MZT2B: variants seen among roughly 807,000 people sequenced by gnomAD.
The protein encoded by MZT2B is mitotic spindle organizing protein 2B.
MZT2B carries 11 observed loss-of-function variants against 12.1 expected under a neutral mutation model. The ratio of observed to expected loss-of-function variants is 0.91; its 90% CI spans 0.57 to 1.50. The LOEUF is 1.50. Among genes scored for constraint, MZT2B ranks in the 40% most tolerant of loss-of-function variants. The probability of loss-of-function intolerance (pLI) is 0.00; values close to 1 mark genes in which losing one functional copy is unlikely to be tolerated. For missense variants in MZT2B, 209 were observed against 227.7 expected (o/e 0.92, Z 0.53); for synonymous variants, 85 against 109.5 (o/e 0.78, Z 1.40).
chr2:130,193,840 G>T (rs777712758), downstream of MZT2B: 6 of 1,613,972 alleles, frequency 3.7e-6, no homozygotes, highest in South Asian at 6.6e-5. Flanking sequence ...TGGTCTTGAT[G>T]GTGGCGATGG....
intron 2 of MZT2B, among the ~76,000 whole-genome samples, chr2:130,186,791 A>G (rs1267136163): frequency 6.6e-6 from 1 of 152,118 alleles, no homozygotes; most frequent in Non-Finnish European, 1.5e-5. Flanking sequence ...CTGTAGTTCC[A>G]GCTACTTGGG....
rs1056704083 is a variant in MZT2B at position 130,183,510 on chromosome 2, C to G, written c.319+735C>G. ...GAGCCTCTGTCCCTGCTCATCCTCTCCGCATGTTGCTTCTGCTCCCGATGG... is the reference window on the plus strand; with the variant it reads ...GAGCCTCTGTCCCTGCTCATCCTCTGCGCATGTTGCTTCTGCTCCCGATGG... On this transcript the variant is annotated intron_variant, in intron 2 of 2. Transcript: ENST00000281871. 34 of 569,722 alleles carry G rather than the reference C, an allele frequency of 6.0e-5. No individual in the cohort carries two copies. The African/African-American group carries it at 6.2e-4, about 10-fold the overall frequency. The allele number at this position is 569,722 out of a possible 1,614,324, so 35.3% of individuals were successfully genotyped here.
chr2:130,182,494 C>G (rs1287298461), intron 1 of MZT2B, 42 bp downstream of exon 1: 18 of 1,540,898 alleles, frequency 1.2e-5, no homozygotes, highest in African/African-American at 4.1e-5. Context: ...CCAGACACCC[C>G]CCGACCTCTG....
In MZT2B at chr2:130,182,277, G is replaced by C. The variant is rs1460220333; in HGVS notation, c.-6G>C. On this transcript the variant is annotated 5_prime_UTR_variant, in exon 1 of 3. Coordinates refer to ENST00000281871, the MANE Select transcript of MZT2B (RefSeq NM_025029.5). ...GGCGGAGCGCACCTTTCCGCGGGCC[G>C]CGGGGATGGCGGCGCAGGGCGTAGG... 20 of 1,313,394 alleles carry C rather than the reference G, an allele frequency of 1.5e-5. No individual in the cohort carries two copies. Among genetic ancestry groups the C allele is most frequent in the Non-Finnish European group, 1.9e-5 (20 of 1,040,724 alleles). The allele number at this position is 1,313,394 out of a possible 1,614,324, so 81.4% of individuals were successfully genotyped here. A position where few individuals can be genotyped will look rare whatever the true frequency, so the allele number is the denominator to read the frequency against.
the MZT2B span, among the ~76,000 whole-genome samples, chr2:130,204,691 C>CA: frequency 0.011 from 1,096 of 96,434 alleles, 13 homozygotes; most frequent in African/African-American, 0.037. Context: ...AACTCTGTCT[C>CA]AAAAAAAAAA....
intron 2 of MZT2B, chr2:130,184,638 G>A: frequency 1.0e-6 from 1 of 985,368 alleles, no homozygotes; most frequent in Non-Finnish European, 1.2e-6. Flanking sequence ...GAGAGGGGCT[G>A]AGGGACAGGC....
At chr2:130,189,246 G>A (rs567062086) in intron 2 of MZT2B, among the ~76,000 whole-genome samples, 102 of 152,258 alleles carry the variant, frequency 6.7e-4, no homozygotes, top group African/African-American at 2.4e-3. Flanking sequence ...GGTGGGGTGT[G>A]GAGTTTCTAT....
At chr2:130,184,058 T>C in intron 2 of MZT2B, 1 of 1,550,068 alleles carries the variant, frequency 6.5e-7, no homozygotes, top group Non-Finnish European at 8.7e-7. Context: ...AGCTTTGAGC[T>C]CCAAGGGCAG....
At chr2:130,184,301 G>A (rs575497481) in intron 2 of MZT2B, 2 of 985,444 alleles carry the variant, frequency 2.0e-6, no homozygotes, top group Admixed American at 1.2e-4. Context: ...ACAGCCCCAG[G>A]CGTGACAAAC....
At chr2:130,181,708 G>T (rs1558771969), upstream of MZT2B, 1 of 1,548,460 alleles carries the variant, frequency 6.5e-7, no homozygotes, top group Non-Finnish European at 8.7e-7. Context: ...CCGGCCGGGC[G>T]GGGAAGAGAA....
the MZT2B span, among the ~76,000 whole-genome samples, chr2:130,201,700 T>C: frequency 6.6e-6 from 1 of 152,170 alleles, no homozygotes; most frequent in East Asian, 1.9e-4. Context: ...CAGCCACGCA[T>C]CCTTCAGCGG....
At chr2:130,184,772 T>G in intron 2 of MZT2B, 15 of 985,392 alleles carry the variant, frequency 1.5e-5, no homozygotes, top group Non-Finnish European at 1.8e-5. Context: ...CACTCAGCAC[T>G]CACTCAGGGC....
chr2:130,182,568 C>A lies in MZT2B; in HGVS notation c.171-59C>A, dbSNP rs1275105760. ...CCCGCCCCCGTCCTTGTCGGGTCTTCAGGGAGGTGGCCGCGCCGGGCGGAG... is the reference window on the plus strand; with the variant it reads ...CCCGCCCCCGTCCTTGTCGGGTCTTAAGGGAGGTGGCCGCGCCGGGCGGAG... On this transcript the variant is annotated intron_variant, in intron 1 of 2. Transcript: ENST00000281871. 20 of 1,566,462 alleles carry A rather than the reference C, an allele frequency of 1.3e-5. No homozygotes were observed. The East Asian group carries it at 4.3e-4, about 34-fold the overall frequency.
At chr2:130,196,941 A>T in the MZT2B span, among the ~76,000 whole-genome samples, 42 of 152,298 alleles carry the variant, frequency 2.8e-4, no homozygotes, top group African/African-American at 9.9e-4. Context: ...GGTCAATGGC[A>T]GGCAGCAGTG....
chr2:130,183,037 C>G (rs185270327), intron 2 of MZT2B: 1 of 594,626 alleles, frequency 1.7e-6, no homozygotes, highest in East Asian at 3.1e-5. Flanking sequence ...CTCCCCTCCA[C>G]CTCTTCACTC....
intron 2 of MZT2B, chr2:130,183,095 C>T: frequency 4.1e-6 from 2 of 492,994 alleles, no homozygotes; most frequent in Non-Finnish European, 7.2e-6. Flanking sequence ...TGGGGCTGGG[C>T]GCCCTGGCTC....
chr2:130,190,258 G>A (rs1216822866), intron 2 of MZT2B, among the ~76,000 whole-genome samples: 1 of 152,196 alleles, frequency 6.6e-6, no homozygotes, highest in African/African-American at 2.4e-5. Flanking sequence ...ACATCCAAAA[G>A]GGTCCCCTGC....
At chr2:130,196,422 A>G in the MZT2B span, 2 of 1,582,560 alleles carry the variant, frequency 1.3e-6, no homozygotes, top group Non-Finnish European at 1.7e-6. Context: ...GCAACTTGAA[A>G]CTATATGGCA....
the MZT2B span, among the ~76,000 whole-genome samples, chr2:130,199,593 C>A: frequency 8.3e-6 from 1 of 121,100 alleles, no homozygotes; most frequent in Non-Finnish European, 1.8e-5. Flanking sequence ...AGAAGTGCAA[C>A]CCTGGAGATG....
Sources: allele counts gnomAD v4.1 joint callset (sites outside exome capture counted in the v4.1 genomes callset), GRCh38; gene constraint gnomAD v4.1.1; transcripts MANE v1.5; gene names NCBI Gene and HGNC (gene_info 2026-07-23, HGNC 2026-07-21).